Variants in GAK observed in about 807,000 individuals in gnomAD.
GAK encodes cyclin G associated kinase.
In GAK, 79 loss-of-function variants were observed where a neutral mutation model predicts 143.9. The ratio of observed to expected loss-of-function variants is 0.55; its 90% CI spans 0.46 to 0.66. GAK has a LOEUF of 0.66. Among genes scored for constraint, GAK ranks in the 30% least tolerant of loss-of-function variants. The pLI is 0.00. For synonymous variants in GAK, 881 were observed against 765.5 expected (o/e 1.15, Z -2.49); for missense variants, 1,693 against 1,779.7 (o/e 0.95, Z 0.88).
chr4:883,528 G>C (rs1466834046), intron 12 of GAK, 65 bp from the exon 13 acceptor site: 9 of 1,567,316 alleles, frequency 5.7e-6, no homozygotes, highest in South Asian at 1.1e-5. Flanking sequence ...CTGCTGCTGC[G>C]GCCTCGCTGC....
At chr4:869,527 C>T (rs1711959307) in intron 19 of GAK, 1 of 131,952 alleles carries the variant, frequency 7.6e-6, no homozygotes, top group Non-Finnish European at 1.6e-5. Flanking sequence ...AATGCACACA[C>T]AGCACATACA....
chr4:859,656 T>C lies in GAK; in HGVS notation c.3233A>G (p.Gln1078Arg). ...CGSQASWTKSQNPDPFADLGD... is the reference protein window; with the variant it reads ...CGSQASWTKSRNPDPFADLGD... ...AAGGTCAGCAAATGGGTCCGGGTTCTGAGACTTGGTCCAGCTGGCCTGAGA... is the reference window on the plus strand; with the variant it reads ...AAGGTCAGCAAATGGGTCCGGGTTCCGAGACTTGGTCCAGCTGGCCTGAGA... Residue 1078 changes from glutamine to arginine, a missense_variant, in exon 24 of 28, where the codon CAG (glutamine) becomes CGG (arginine). Coordinates refer to ENST00000314167, the MANE Select transcript of GAK (RefSeq NM_005255.4). The C allele has an allele frequency of 6.2e-7, 1 of 1,604,222 alleles. No homozygotes were observed. The highest frequency in any genetic ancestry group is 1.1e-5 in the South Asian group (1 of 90,858).
chr4:868,107 C>T (rs1751543658), intron 20 of GAK, among the ~76,000 whole-genome samples: 1 of 151,996 alleles, frequency 6.6e-6, no homozygotes, highest in Non-Finnish European at 1.5e-5. Flanking sequence ...CCAGTGATGG[C>T]GCCCAGGTGT....
At position 866,960 on chromosome 4, in the gene GAK, G is replaced by A. The variant is rs1049230397; in HGVS notation, c.2868C>T (p.Ala956=). 6.1e-6 allele frequency: 9 copies of A among 1,484,304 alleles called. No homozygotes were observed. The highest frequency in any genetic ancestry group is 2.8e-5 in the South Asian group (2 of 70,748). The allele number at this position is 1,484,304 out of a possible 1,614,324, so 91.9% of individuals were successfully genotyped here. ...CTTCAGAACAGAAACACGTACCAGC[G>A]GCAGGGGGCCCTCCTCTTGGGGTGC... is the stretch of plus-strand genomic sequence containing the variant. The part of the protein sequence containing the change: ...VQSTPRGGPP[A]AADPFGPLLP... The change falls in exon 21 of 28, where the codon GCC becomes GCT. Residue 956 remains alanine (A), a synonymous_variant. Coordinates refer to ENST00000314167, the MANE Select transcript of GAK (RefSeq NM_005255.4).
At chr4:910,921 T>A (rs966099621) in intron 4 of GAK, among the ~76,000 whole-genome samples, 2 of 152,078 alleles carry the variant, frequency 1.3e-5, no homozygotes, top group Non-Finnish European at 2.9e-5. Context: ...GCACAGGTCT[T>A]GTTTCCCCTT....
In GAK at chr4:893,459, C is replaced by T. The variant is rs751898105; in HGVS notation, c.908G>A (p.Arg303Gln). 3.8e-6 allele frequency: 6 copies of T among 1,588,102 alleles called. No individual in the cohort carries two copies. The highest frequency in any genetic ancestry group is 5.1e-6 in the Non-Finnish European group (6 of 1,169,122). Residue 303 changes from arginine (R) to glutamine (Q), a missense_variant, in exon 9 of 28, where the codon CGG becomes CAG. By Grantham distance (43) the Arg-to-Gln change is conservative. Coordinates refer to ENST00000314167, the MANE Select transcript of GAK (RefSeq NM_005255.4). ...GTGCACCACCTCGGCGATGGACAGC[C>T]GCTCCTCCGGGTTCACCTGCAGCAT... Reference protein sequence around the residue: ...RAMLQVNPEERLSIAEVVHQL... With the variant: ...RAMLQVNPEEQLSIAEVVHQL...
chr4:867,016 C>T lies in GAK; in HGVS notation c.2812G>A (p.Ala938Thr). The change falls in exon 21 of 28, where the codon GCA becomes ACA. Residue 938 changes from alanine to threonine, a missense_variant. Physicochemically the swap from Ala to Thr is moderately conservative, Grantham distance 58 (BLOSUM62 0). Around this residue, in one of 2 missense-constraint regions of GAK, gnomAD observed 822 missense variants for 788.7 expected, o/e 1.04. Transcript: ENST00000314167. ...ACGCTCAGGGGAGGGGCCGGGCTTG[C>T]CAGGAGCAGCGGGTCCTCGCTGAGC... ...DLLSEDPLLL[A>T]SPAPPLSVQS... 6.7e-7 allele frequency: 1 copy of T among 1,501,796 alleles called. No individual in the cohort carries two copies. The highest frequency in any genetic ancestry group is 1.4e-5 in the African/African-American group (1 of 71,394). The allele number at this position is 1,501,796 out of a possible 1,614,324, so 93.0% of individuals were successfully genotyped here.
intron 13 of GAK, 48 bp downstream of exon 13, chr4:883,267 G>T: frequency 6.3e-7 from 1 of 1,598,852 alleles, no homozygotes; most frequent in South Asian, 1.1e-5. Context: ...GCACTGGAGC[G>T]GAAGGAAGCT....
rs767162787 is a variant in GAK at position 890,568 on chromosome 4, G to T, written c.1045C>A (p.Pro349Thr). ...GSATLSRGPP[P>T]PVGPAGSGYS... ...CCACTGCCAGCGGGGCCCACGGGAG[G>T]GGGTGGCCCTCGGGACAGTGTGGCG... Residue 349 changes from proline (P) to threonine (T), a missense_variant, in exon 10 of 28, where the codon CCT (proline) becomes ACT (threonine). Coordinates refer to ENST00000314167, the MANE Select transcript of GAK (RefSeq NM_005255.4). The T allele has an allele frequency of 1.2e-6, 2 of 1,611,336 alleles. No homozygotes were observed. Among genetic ancestry groups the T allele is most frequent in the Non-Finnish European group, 8.5e-7 (1 of 1,179,374 alleles).
At chr4:860,222 T>C (rs1750029408) in intron 23 of GAK, among the ~76,000 whole-genome samples, 1 of 141,690 alleles carries the variant, frequency 7.1e-6, no homozygotes, top group Non-Finnish European at 1.6e-5. Flanking sequence ...AGCCCAGGGG[T>C]TGACGGCCCC....
At chr4:859,337 CCT>C in intron 24 of GAK, 1 of 1,406,874 alleles carries the variant, frequency 7.1e-7, no homozygotes, top group Non-Finnish European at 9.4e-7. Context: ...CCCCCATGGC[CCT>C]GAGGACAGGA....
At position 884,040 on chromosome 4, in the gene GAK, C is replaced by T. The variant is rs766825560; in HGVS notation, c.1252G>A (p.Ala418Thr). The T allele has an allele frequency of 1.2e-5, 19 of 1,613,628 alleles. No homozygotes were observed. The highest frequency in any genetic ancestry group is 1.5e-5 in the Non-Finnish European group (18 of 1,179,810). The change falls in exon 12 of 28, where the codon GCA (alanine) becomes ACA (threonine). Residue 418 changes from alanine (A) to threonine (T), a missense_variant. By Grantham distance (58) the Ala-to-Thr change is moderately conservative (BLOSUM62 0). This residue lies in a region of GAK where 871 missense variants were observed against 991.0 expected (regional missense o/e 0.88). Coordinates refer to ENST00000314167, the MANE Select transcript of GAK (RefSeq NM_005255.4). ...LDISYITSRI[A>T]VMSFPAEGVE... ...CAGCCTCATGTGGCACGCATACCTG[C>T]AATTCTGGATGTGATGTAAGATATG...
chr4:895,678 C>G (rs541656855), intron 7 of GAK, among the ~76,000 whole-genome samples: 2 of 152,326 alleles, frequency 1.3e-5, no homozygotes, highest in South Asian at 4.1e-4. Flanking sequence ...TCAAAAGAAC[C>G]ACAAGGCAGG....
intron 11 of GAK, chr4:887,282 T>C (rs1028042855): frequency 2.1e-5 from 3 of 145,672 alleles, no homozygotes; most frequent in African/African-American, 5.1e-5. Context: ...CGTGTACACA[T>C]GCACGCGGCT....
intron 15 of GAK, among the ~76,000 whole-genome samples, chr4:879,006 C>T (rs1577131899): frequency 1.3e-5 from 2 of 152,290 alleles, no homozygotes; most frequent in Admixed American, 6.5e-5. Context: ...GCCAACAGCC[C>T]GAGTGGCCAA....
intron 20 of GAK, among the ~76,000 whole-genome samples, chr4:868,088 G>T (rs910583193): frequency 2.6e-5 from 4 of 152,212 alleles, no homozygotes; most frequent in African/African-American, 9.6e-5. Flanking sequence ...GGTGTGTCTG[G>T]GGTGAGGTCC....
intron 24 of GAK, chr4:859,255 A>G: frequency 8.2e-7 from 1 of 1,216,788 alleles, no homozygotes; most frequent in East Asian, 5.5e-5. Flanking sequence ...GCACGCTCCG[A>G]GCACAGCCTC....
At chr4:909,043 A>G (rs1309279688) in intron 4 of GAK, among the ~76,000 whole-genome samples, 1 of 152,144 alleles carries the variant, frequency 6.6e-6, no homozygotes, top group African/African-American at 2.4e-5. Flanking sequence ...GACGGGGTTT[A>G]GCCATGTTGG....
At chr4:918,166 G>A (rs1723357542) in intron 1 of GAK, among the ~76,000 whole-genome samples, 2 of 152,206 alleles carry the variant, frequency 1.3e-5, no homozygotes, top group Non-Finnish European at 2.9e-5. Flanking sequence ...TCCCAGGAAT[G>A]CAAGGTTGGT....
Sources: allele counts gnomAD v4.1 joint callset (sites outside exome capture counted in the v4.1 genomes callset), GRCh38; gene constraint gnomAD v4.1.1; regional missense constraint gnomAD v4.1.1; transcripts MANE v1.5; gene names NCBI Gene and HGNC (gene_info 2026-07-23, HGNC 2026-07-21).